Variants in SNX29 observed in about 807,000 individuals in gnomAD.
SNX29 encodes sorting nexin-29.
In SNX29, 78 loss-of-function variants were observed where a neutral mutation model predicts 102.1. That is an observed-to-expected ratio of 0.76 (90% CI 0.64 to 0.92). SNX29 has a LOEUF of 0.92. Among genes scored for constraint, SNX29 ranks in the 40% least tolerant of loss-of-function variants. SNX29 has a pLI of 0.00. For synonymous variants in SNX29, 580 were observed against 414.5 expected (o/e 1.40, Z -4.85); for missense variants, 1,280 against 1,061.7 (o/e 1.21, Z -2.86).
At chr16:12,232,772 C>A (rs925553627) in intron 14 of SNX29, among the ~76,000 whole-genome samples, 3 of 152,136 alleles carry the variant, frequency 2.0e-5, no homozygotes, top group Non-Finnish European at 4.4e-5. Context: ...AAGATGTCCC[C>A]TGAGAGGGCT....
chr16:12,562,897 C>T (rs8056636), intron 20 of SNX29, among the ~76,000 whole-genome samples: 40,015 of 151,994 alleles, frequency 0.26, 5,898 homozygotes, highest in East Asian at 0.44. Context: ...GGGAATTTGA[C>T]GATGTGCTTG....
At chr16:12,003,121 G>T in intron 3 of SNX29, 78 bp downstream of exon 3, 1 of 1,577,814 alleles carries the variant, frequency 6.3e-7, no homozygotes. Context: ...TAAAACCGTT[G>T]ACCATCGAGG....
intron 15 of SNX29, among the ~76,000 whole-genome samples, chr16:12,310,182 A>G (rs1177703856): frequency 6.6e-6 from 1 of 152,230 alleles, no homozygotes; most frequent in African/African-American, 2.4e-5. Context: ...TGCACCAGCT[A>G]AAGTTCTCTC....
At chr16:12,465,996 C>T (rs1260951293) in intron 18 of SNX29, among the ~76,000 whole-genome samples, 2 of 152,130 alleles carry the variant, frequency 1.3e-5, no homozygotes, top group Non-Finnish European at 1.5e-5. Context: ...GGATGTACCT[C>T]AGCATAAGAA....
At chr16:12,479,122 C>T (rs1026449292) in intron 19 of SNX29, among the ~76,000 whole-genome samples, 2 of 152,172 alleles carry the variant, frequency 1.3e-5, no homozygotes, top group Non-Finnish European at 2.9e-5. Context: ...TTGGGCTCAC[C>T]GTAGACATGC....
At chr16:12,541,916 A>ATTGCCCACGGTACATCC (rs1457023391) in intron 20 of SNX29, among the ~76,000 whole-genome samples, 2 of 152,126 alleles carry the variant, frequency 1.3e-5, no homozygotes, top group African/African-American at 2.4e-5. Context: ...TTTTCCACTG[A>ATTGCCCACGGTACATCC]TTGCCCACGG....
chr16:12,511,708 G>A (rs1480596591), intron 19 of SNX29, among the ~76,000 whole-genome samples: 9 of 152,060 alleles, frequency 5.9e-5, no homozygotes, highest in African/African-American at 1.9e-4. Flanking sequence ...TGTAGTCTCC[G>A]AGCTCTTTCA....
At chr16:12,552,254 G>A (rs564030272) in intron 20 of SNX29, among the ~76,000 whole-genome samples, 3 of 150,434 alleles carry the variant, frequency 2.0e-5, no homozygotes, top group Non-Finnish European at 3.0e-5. Context: ...TTGCCTCCTA[G>A]GGGCTCGTAA....
At chr16:12,271,606 A>G (rs1196666923) in intron 14 of SNX29, among the ~76,000 whole-genome samples, 1 of 151,802 alleles carries the variant, frequency 6.6e-6, no homozygotes, top group African/African-American at 2.4e-5. Flanking sequence ...TCTTTGTTGA[A>G]TGTAATATAT....
At chr16:12,268,848 T>G (rs2079010038) in intron 14 of SNX29, among the ~76,000 whole-genome samples, 2 of 152,162 alleles carry the variant, frequency 1.3e-5, no homozygotes, top group Admixed American at 1.3e-4. Context: ...AAGTTTCACT[T>G]AATTTAGACA....
intron 11 of SNX29, among the ~76,000 whole-genome samples, chr16:12,118,212 C>G (rs1253350213): frequency 6.6e-6 from 1 of 151,774 alleles, no homozygotes; most frequent in Non-Finnish European, 1.5e-5. Context: ...GAAGCAACCT[C>G]TGCAACTTTG....
intron 11 of SNX29, among the ~76,000 whole-genome samples, chr16:12,102,830 A>G (rs931561267): frequency 6.6e-6 from 1 of 152,246 alleles, no homozygotes; most frequent in African/African-American, 2.4e-5. Context: ...TCAGCCCAAG[A>G]TCTCCTTAAG....
In SNX29 at chr16:12,096,336, C is replaced by A. The variant is rs1306682430; in HGVS notation, c.1402+17421C>A. Among the ~76,000 whole-genome samples, 1 of 152,220 alleles carries A rather than the reference C, an allele frequency of 6.6e-6. No individual in the cohort carries two copies. Among genetic ancestry groups the A allele is most frequent in the Middle Eastern group, 3.2e-3 (1 of 316 alleles). On this transcript the variant is annotated intron_variant, in intron 11 of 20. Transcript: ENST00000566228. The surrounding 1 kb of genome is among the most constrained non-coding windows in gnomAD (Gnocchi z 4.2). ...TGTTTATTCATTCACCAAACATTTA[C>A]CAAACATCTCTCATGTGCTGGGCGC...
intron 4 of SNX29, chr16:12,038,637 C>G (rs1350110028): frequency 6.6e-6 from 1 of 152,208 alleles, no homozygotes; most frequent in Non-Finnish European, 1.5e-5. Context: ...TGGGATAATT[C>G]TTATCATCAT....
At chr16:12,199,817 T>C in intron 14 of SNX29, 134 bp downstream of exon 14, 2 of 719,406 alleles carry the variant, frequency 2.8e-6, no homozygotes, top group African/African-American at 1.8e-5. Context: ...TGCTCAGCGT[T>C]CCAGAAAATT....
At chr16:12,344,397 C>T (rs2081714969) in intron 15 of SNX29, among the ~76,000 whole-genome samples, 1 of 152,280 alleles carries the variant, frequency 6.6e-6, no homozygotes, top group Admixed American at 6.5e-5. Context: ...CCTCCATTTC[C>T]TCAATCTGTA....
chr16:12,195,905 A>C (rs1166320369), intron 13 of SNX29, among the ~76,000 whole-genome samples: 2 of 151,910 alleles, frequency 1.3e-5, no homozygotes, highest in Admixed American at 6.6e-5. Flanking sequence ...GGAGAGGCTG[A>C]AGTGAACTGT....
chr16:12,254,674 G>T (rs1024476148), intron 14 of SNX29, among the ~76,000 whole-genome samples: 1 of 152,030 alleles, frequency 6.6e-6, no homozygotes, highest in East Asian at 1.9e-4. Context: ...GGACTGACCA[G>T]GGAGGAGACA....
At chr16:12,323,322 G>A (rs1299974847) in intron 15 of SNX29, among the ~76,000 whole-genome samples, 1 of 152,108 alleles carries the variant, frequency 6.6e-6, no homozygotes. Context: ...CCAGTCGTGA[G>A]TTGTGCTGTC....
Sources: allele counts gnomAD v4.1 joint callset (sites outside exome capture counted in the v4.1 genomes callset), GRCh38; gene constraint gnomAD v4.1.1; non-coding constraint Gnocchi (gnomAD v3.1); transcripts MANE v1.5; gene names NCBI Gene and HGNC (gene_info 2026-07-23, HGNC 2026-07-21).